GLG1: variants seen among roughly 807,000 people sequenced by gnomAD.
GLG1 encodes the protein golgi glycoprotein 1.
Under a neutral mutation model 160.5 loss-of-function variants are expected in GLG1, and 38 were observed. The observed-to-expected ratio is 0.24, with a 90% CI of 0.18 to 0.31. The LOEUF (loss-of-function observed/expected upper bound fraction) is 0.31. GLG1 is among the 10% of genes least tolerant of loss of function. The pLI is 1.00. For missense variants in GLG1, 1,373 were observed against 1,505.2 expected, an observed-to-expected ratio of 0.91 and a Z score of 1.45; for synonymous variants, 644 against 543.4, an observed-to-expected ratio of 1.19 and a Z score of -2.57.
At chr16:74,551,263 C>G (rs2018190376) in intron 1 of GLG1, among the ~76,000 whole-genome samples, 1 of 152,060 alleles carries the variant, frequency 6.6e-6, no homozygotes, top group Non-Finnish European at 1.5e-5. Context: ...GTTTTATGAA[C>G]TGCTTCATAT....
In GLG1 at chr16:74,450,881, C is replaced by T. The variant is rs746554155; in HGVS notation, c.*2286G>A. 2.6e-5 allele frequency: 4 copies of T among 151,752 alleles called. No individual in the cohort carries two copies. Among genetic ancestry groups the T allele is most frequent in the South Asian group, 2.1e-4 (1 of 4,802 alleles). 9.4% of individuals were successfully genotyped at this position (151,752 alleles called of 1,614,324 possible). ...AAAAAAAGACAGATGTTTCAAGAAC[C>T]AAATTCCTCATCAAACTTCCAAATC... On this transcript the variant is annotated 3_prime_UTR_variant, in exon 26 of 26. Transcript: ENST00000422840.
At chr16:74,567,200 G>GGAGAGA (rs2018678202) in intron 1 of GLG1, among the ~76,000 whole-genome samples, 1 of 147,358 alleles carries the variant, frequency 6.8e-6, no homozygotes, top group African/African-American at 2.4e-5. Context: ...TAGGGAGCGG[G>GGAGAGA]GAGAGAGAGA....
At chr16:74,548,494 G>T (rs1175615191) in intron 1 of GLG1, among the ~76,000 whole-genome samples, 1 of 152,108 alleles carries the variant, frequency 6.6e-6, no homozygotes, top group African/African-American at 2.4e-5. Context: ...CACAATTCTA[G>T]GCATTCACTG....
At chr16:74,557,761 T>G (rs2018393483) in intron 1 of GLG1, among the ~76,000 whole-genome samples, 1 of 151,928 alleles carries the variant, frequency 6.6e-6, no homozygotes, top group African/African-American at 2.4e-5. Flanking sequence ...GTCTTTTTTT[T>G]TTTTGGTAGG....
intron 1 of GLG1, among the ~76,000 whole-genome samples, chr16:74,594,446 C>T (rs1368481024): frequency 6.6e-6 from 1 of 152,146 alleles, no homozygotes; most frequent in Non-Finnish European, 1.5e-5. Context: ...ACTACAGATG[C>T]CTGGTTCTCT....
intron 1 of GLG1, among the ~76,000 whole-genome samples, chr16:74,557,901 C>G (rs535174246): frequency 3.8e-4 from 58 of 152,058 alleles, no homozygotes; most frequent in Non-Finnish European, 6.2e-4. Context: ...AGTGTCCTGT[C>G]TTGAAGATTG....
At chr16:74,548,917 A>T (rs1442334218) in intron 1 of GLG1, among the ~76,000 whole-genome samples, 1 of 152,000 alleles carries the variant, frequency 6.6e-6, no homozygotes, top group Non-Finnish European at 1.5e-5. Context: ...AATCACTTGA[A>T]CCCAGGAGGT....
At chr16:74,472,589 G>A (rs531265358) in intron 13 of GLG1, 178 bp from the exon 14 acceptor site, 10 of 1,491,760 alleles carry the variant, frequency 6.7e-6, no homozygotes, top group South Asian at 3.6e-5. Flanking sequence ...CTGCTCCTCC[G>A]TTATACTTTG....
In GLG1 at chr16:74,493,016, C is replaced by G; in HGVS notation, c.1175G>C (p.Arg392Pro). 6.2e-7 allele frequency: 1 copy of G among 1,613,912 alleles called. No homozygotes were observed. The highest frequency in any genetic ancestry group is 8.5e-7 in the Non-Finnish European group (1 of 1,179,888). The change falls in exon 7 of 26, where the codon CGA (arginine) becomes CCA (proline). Residue 392 changes from arginine to proline, a missense_variant. Arg to Pro is a moderately radical substitution (Grantham distance 103, BLOSUM62 -2). Around this residue, in one of 4 missense-constraint regions of GLG1, gnomAD observed 386 missense variants for 388.5 expected, o/e 0.99. Coordinates refer to ENST00000422840, the MANE Select transcript of GLG1 (RefSeq NM_001145667.2). ...KYRCNVENLP[R>P]SREARLSYLL... Reference sequence around the variant, plus strand: ...GTAGGAGAGCCTGGCTTCACGCGATCGCGGAAGGTTTTCCACATTGCACCG... The same window carrying G: ...GTAGGAGAGCCTGGCTTCACGCGATGGCGGAAGGTTTTCCACATTGCACCG...
chr16:74,602,522 G>A (rs1317806866), intron 1 of GLG1, among the ~76,000 whole-genome samples: 2 of 152,204 alleles, frequency 1.3e-5, no homozygotes, highest in South Asian at 2.1e-4. Context: ...GGTGACTCAC[G>A]CCTGTAATCC....
At chr16:74,477,279 A>G in intron 12 of GLG1, 117 bp downstream of exon 12, 1 of 854,374 alleles carries the variant, frequency 1.2e-6, no homozygotes, top group East Asian at 2.5e-5. Flanking sequence ...GAACAATACA[A>G]CAAATCACAT....
At chr16:74,455,738 G>A (rs902539966) in intron 25 of GLG1, among the ~76,000 whole-genome samples, 6 of 152,206 alleles carry the variant, frequency 3.9e-5, no homozygotes, top group African/African-American at 1.2e-4. Flanking sequence ...ATCCCAATAT[G>A]AGTCAATACA....
chr16:74,590,494 G>A (rs1567544062), intron 1 of GLG1, among the ~76,000 whole-genome samples: 1 of 151,166 alleles, frequency 6.6e-6, no homozygotes. Flanking sequence ...AGTGGCGGGC[G>A]CCTGTAGTCC....
At chr16:74,519,031 C>T (rs147714777) in intron 2 of GLG1, among the ~76,000 whole-genome samples, 145 of 152,232 alleles carry the variant, frequency 9.5e-4, no homozygotes, top group South Asian at 2.1e-3. Flanking sequence ...AAGACACATG[C>T]ACATGTATAT....
chr16:74,593,897 T>G (rs1056945228), intron 1 of GLG1, among the ~76,000 whole-genome samples: 4 of 152,080 alleles, frequency 2.6e-5, no homozygotes, highest in Non-Finnish European at 5.9e-5. Context: ...AAGTATAACA[T>G]TTTTATTTTT....
At chr16:74,590,595 T>C (rs1280581654) in intron 1 of GLG1, among the ~76,000 whole-genome samples, 1 of 134,776 alleles carries the variant, frequency 7.4e-6, no homozygotes, top group African/African-American at 2.8e-5. Context: ...CACTCCAGCC[T>C]GGGCAACTGA....
chr16:74,561,111 C>T (rs1009134844), intron 1 of GLG1, among the ~76,000 whole-genome samples: 3 of 151,962 alleles, frequency 2.0e-5, no homozygotes, highest in Admixed American at 1.3e-4. Flanking sequence ...GGATCGGGGC[C>T]AACAGGCAGC....
rs75875305 is a variant in GLG1, at chr16:74,470,170, T to C, written c.2230-97A>G. On this transcript the variant is annotated intron_variant, in intron 15 of 25. Coordinates refer to ENST00000422840, the MANE Select transcript of GLG1 (RefSeq NM_001145667.2). ...TTCATATAGCTCTCACAAGCCTGTT[T>C]ACAAGACCCTGCATGGCTTGACCCA... 303 of 764,174 alleles carry C rather than the reference T, an allele frequency of 4.0e-4. No homozygotes were observed. The African/African-American group carries it at 4.1e-3, about 10-fold the overall frequency. 47.3% of individuals were successfully genotyped at this position (764,174 alleles called of 1,614,324 possible). A position where few individuals can be genotyped will look rare whatever the true frequency, so the allele number is the denominator to read the frequency against.
intron 7 of GLG1, 121 bp downstream of exon 7, chr16:74,492,836 A>G (rs917672125): frequency 9.3e-6 from 5 of 535,126 alleles, no homozygotes; most frequent in Admixed American, 4.2e-5. Flanking sequence ...AAAAAAAAAA[A>G]AAAGAAAAAT....
Sources: allele counts gnomAD v4.1 joint callset (sites outside exome capture counted in the v4.1 genomes callset), GRCh38; gene constraint gnomAD v4.1.1; regional missense constraint gnomAD v4.1.1; transcripts MANE v1.5; gene names NCBI Gene and HGNC (gene_info 2026-07-23, HGNC 2026-07-21).